AFTPH: variants seen among roughly 807,000 people sequenced by gnomAD.
AFTPH encodes the protein aftiphilin protein.
A neutral mutation model predicts 72.5 loss-of-function variants in AFTPH; 7 were observed. The ratio of observed to expected loss-of-function variants is 0.10; its 90% confidence interval spans 0.05 to 0.18. AFTPH has a LOEUF of 0.18. AFTPH is among the 10% of genes least tolerant of loss of function. The pLI, the probability that AFTPH is intolerant of heterozygous loss-of-function variation, is 1.00. For missense variants in AFTPH, 979 were observed against 1,060.5 expected, an observed-to-expected ratio of 0.92 and a Z score of 1.07; for synonymous variants, 337 against 370.1, an observed-to-expected ratio of 0.91 and a Z score of 1.03.
At chr2:64,540,483 ATATGT>A (rs1279212829) in intron 1 of AFTPH, among the ~76,000 whole-genome samples, 1 of 152,182 alleles carries the variant, frequency 6.6e-6, no homozygotes, top group Non-Finnish European at 1.5e-5. Flanking sequence ...TGCAAATAAA[ATATGT>A]TATTATGAAT....
chr2:64,576,494 T>A (rs1010735350), intron 6 of AFTPH, among the ~76,000 whole-genome samples: 4 of 152,168 alleles, frequency 2.6e-5, no homozygotes, highest in African/African-American at 7.2e-5. Flanking sequence ...AAAACAGTAA[T>A]TTTACCTTTT....
At chr2:64,535,539 T>G (rs1317031633) in intron 1 of AFTPH, among the ~76,000 whole-genome samples, 1 of 152,200 alleles carries the variant, frequency 6.6e-6, no homozygotes. Flanking sequence ...GTGAACAGAT[T>G]ATGTGACTTG....
intron 1 of AFTPH, among the ~76,000 whole-genome samples, chr2:64,525,221 C>T (rs1669184777): frequency 6.6e-6 from 1 of 152,228 alleles, no homozygotes; most frequent in South Asian, 2.1e-4. Context: ...TGCGTCTCCT[C>T]TCCAGTTTGC....
intron 2 of AFTPH, among the ~76,000 whole-genome samples, chr2:64,557,435 A>C (rs1337035610): frequency 3.3e-5 from 5 of 152,206 alleles, no homozygotes; most frequent in Non-Finnish European, 5.9e-5. Context: ...CACCAAAAAG[A>C]AGAGAATTAC....
intron 2 of AFTPH, among the ~76,000 whole-genome samples, chr2:64,558,553 T>C (rs1460665444): frequency 6.6e-6 from 1 of 152,204 alleles, no homozygotes; most frequent in African/African-American, 2.4e-5. Flanking sequence ...GTGAGTGACA[T>C]CACTCATAGT....
chr2:64,542,242 C>G (rs1403632323), intron 1 of AFTPH, among the ~76,000 whole-genome samples: 1 of 152,098 alleles, frequency 6.6e-6, no homozygotes, highest in Admixed American at 6.6e-5. Flanking sequence ...TAGAGACACT[C>G]CACCCCCCTC....
chr2:64,591,650 T>G lies in AFTPH; in HGVS notation c.2580-235T>G, dbSNP rs114456375. ...GTCTAGGTGTGCATGTGAGTATCTG[T>G]GTGTGCATGCCTAGCTTTAATGAAC... On this transcript the variant is annotated intron_variant, in intron 8 of 8. Coordinates refer to ENST00000238856, the Ensembl canonical transcript of AFTPH. Among the ~76,000 whole-genome samples the G allele has an allele frequency of 5.6e-3, 858 of 152,298 alleles. 10 individuals carry two copies. The highest frequency in any genetic ancestry group is 0.02 in the African/African-American group (825 of 41,554).
intron 1 of AFTPH, among the ~76,000 whole-genome samples, chr2:64,532,681 T>A (rs1669692513): frequency 6.6e-6 from 1 of 152,188 alleles, no homozygotes; most frequent in Admixed American, 6.5e-5. Flanking sequence ...CAGTTTGAGA[T>A]CTTTGTGGAA....
intron 8 of AFTPH, among the ~76,000 whole-genome samples, chr2:64,586,099 C>A (rs1022227357): frequency 6.6e-6 from 1 of 152,174 alleles, no homozygotes; most frequent in Non-Finnish European, 1.5e-5. Context: ...ACTAAAGGCA[C>A]GGAATGTCAC....
chr2:64,569,400 C>T (rs1672282539), intron 4 of AFTPH, among the ~76,000 whole-genome samples, 182 bp downstream of exon 4: 1 of 152,114 alleles, frequency 6.6e-6, no homozygotes, highest in Non-Finnish European at 1.5e-5. Context: ...TTTCTCTAAT[C>T]AATACTTATT....
At chr2:64,544,419 G>GCA (rs376339424) in intron 1 of AFTPH, among the ~76,000 whole-genome samples, 6 of 152,012 alleles carry the variant, frequency 3.9e-5, no homozygotes, top group African/African-American at 1.4e-4. Context: ...ACACATGCAT[G>GCA]CACACACACA....
intron 1 of AFTPH, among the ~76,000 whole-genome samples, chr2:64,537,403 A>G (rs1280542259): frequency 6.6e-6 from 1 of 152,220 alleles, no homozygotes; most frequent in Non-Finnish European, 1.5e-5. Context: ...ACAAACCTGC[A>G]CATGTACCCC....
chr2:64,558,388 C>A lies in AFTPH; in HGVS notation c.1935+4979C>A, dbSNP rs1204689407. On this transcript the variant is annotated intron_variant, in intron 2 of 8. Coordinates refer to ENST00000238856, the Ensembl canonical transcript of AFTPH. ...ATAAACAAGAGTTAAGTTTCTATGG[C>A]ATCTTTCTGGTCACAGAAACATCAC... Among the ~76,000 whole-genome samples the A allele has an allele frequency of 2.6e-5, 4 of 152,174 alleles. No individual in the cohort carries two copies. In the East Asian group the frequency reaches 7.7e-4, roughly 29 times the overall value.
At chr2:64,558,341 A>G (rs994140163) in intron 2 of AFTPH, among the ~76,000 whole-genome samples, 4 of 152,186 alleles carry the variant, frequency 2.6e-5, no homozygotes, top group East Asian at 1.9e-4. Context: ...AACAAAACCA[A>G]TTTTACCATA....
rs975024009 is a variant in AFTPH, at chr2:64,585,341, T to C, written c.2456-81T>C. On this transcript the variant is annotated intron_variant, in intron 7 of 8. Coordinates refer to ENST00000238856, the Ensembl canonical transcript of AFTPH. The stretch of plus-strand genomic sequence containing the variant: ...AAAACACTCAGATGTTTACAGAATA[T>C]TGCCTTTTGCATCTTGGATTGTGGC... 11 of 1,526,512 alleles carry C rather than the reference T, an allele frequency of 7.2e-6. No homozygotes were observed. The African/African-American group carries it at 1.4e-4, about 19-fold the overall frequency. 94.6% of individuals were successfully genotyped at this position (1,526,512 alleles called of 1,614,324 possible).
chr2:64,555,598 C>CACACAA (rs554377351), intron 2 of AFTPH, among the ~76,000 whole-genome samples: 1 of 144,694 alleles, frequency 6.9e-6, no homozygotes, highest in Non-Finnish European at 1.5e-5. Flanking sequence ...CACACACACA[C>CACACAA]AAGACTTTCT....
chr2:64,553,002 G>C, exon 2 of AFTPH: 1 of 1,614,132 alleles, frequency 6.2e-7, no homozygotes. Flanking sequence ...TTTATCAGAA[G>C]AATGTCAATT....
exon 2 of AFTPH, chr2:64,552,154 C>G: frequency 1.2e-6 from 2 of 1,614,050 alleles, no homozygotes; most frequent in South Asian, 1.1e-5. Context: ...GTACCTAGTC[C>G]TGCTGAGGAA....
chr2:64,574,741 A>G (rs1203550915), intron 6 of AFTPH, among the ~76,000 whole-genome samples: 2 of 152,254 alleles, frequency 1.3e-5, no homozygotes, highest in Admixed American at 1.3e-4. Context: ...ATGGTTGGGC[A>G]GCAGACAAAG....
Sources: allele counts gnomAD v4.1 joint callset (sites outside exome capture counted in the v4.1 genomes callset), GRCh38; gene constraint gnomAD v4.1.1; transcripts MANE v1.5; gene names NCBI Gene and HGNC (gene_info 2026-07-23, HGNC 2026-07-21).